SUFU: variants seen among roughly 807,000 people sequenced by gnomAD.
SUFU encodes the protein SUFU negative regulator of hedgehog signaling.
In SUFU, 7 loss-of-function variants were observed where a neutral mutation model predicts 58.9. The ratio of observed to expected loss-of-function variants is 0.12; its 90% CI spans 0.07 to 0.22. The LOEUF (loss-of-function observed/expected upper bound fraction) is 0.22. Among genes scored for constraint, SUFU ranks in the 10% least tolerant of loss-of-function variants. The pLI is 1.00. For missense variants in SUFU, 451 were observed against 641.3 expected (o/e 0.70, Z 3.20); for synonymous variants, 232 against 254.8 (o/e 0.91, Z 0.85).
chr10:102,564,943 A>G (rs553698194), intron 3 of SUFU, among the ~76,000 whole-genome samples: 15 of 152,314 alleles, frequency 9.8e-5, no homozygotes, highest in Non-Finnish European at 2.2e-4. Flanking sequence ...CTGAAGAAAA[A>G]CAGGTCAGTC....
At chr10:102,542,374 G>C (rs539955818) in intron 2 of SUFU, among the ~76,000 whole-genome samples, 2 of 151,380 alleles carry the variant, frequency 1.3e-5, no homozygotes, top group Non-Finnish European at 2.9e-5. Flanking sequence ...CTCATGATCC[G>C]CCCACCTCGG....
At chr10:102,584,503 G>C (rs2063316843) in intron 3 of SUFU, among the ~76,000 whole-genome samples, 1 of 152,008 alleles carries the variant, frequency 6.6e-6, no homozygotes, top group Non-Finnish European at 1.5e-5. Flanking sequence ...TCTCAGTCTT[G>C]GTGATTTTGT....
chr10:102,612,208 T>C (rs1307758837), intron 8 of SUFU, among the ~76,000 whole-genome samples: 7 of 113,688 alleles, frequency 6.2e-5, no homozygotes, highest in South Asian at 3.0e-4. Flanking sequence ...TGTGTGTGTG[T>C]GCACGCGCAT....
chr10:102,511,618 G>A (rs961196725), intron 2 of SUFU, among the ~76,000 whole-genome samples: 1 of 152,106 alleles, frequency 6.6e-6, no homozygotes, highest in African/African-American at 2.4e-5. Context: ...AGAAAAATGA[G>A]TCTCTTGAGG....
chr10:102,628,812 G>A lies in SUFU; in HGVS notation c.1366-1254G>A, dbSNP rs1260646666. ...CAGACCGAGGCAGGCTGAGAACACT[G>A]TTCTCTCCTTTCCACCCTGCCCTGA... is the stretch of plus-strand genomic sequence containing the variant. On this transcript the variant is annotated intron_variant, in intron 11 of 11. Coordinates refer to ENST00000369902, the MANE Select transcript of SUFU (RefSeq NM_016169.4). The surrounding 1 kb of genome is among the most constrained non-coding windows in gnomAD (Gnocchi z 4.5). Among the ~76,000 whole-genome samples the A allele has an allele frequency of 6.6e-6, 1 of 152,050 alleles. No individual in the cohort carries two copies. The highest frequency in any genetic ancestry group is 1.5e-5 in the Non-Finnish European group (1 of 68,018).
intron 3 of SUFU, among the ~76,000 whole-genome samples, chr10:102,570,156 A>G (rs1345429584): frequency 6.6e-6 from 1 of 152,118 alleles, no homozygotes; most frequent in African/African-American, 2.4e-5. Context: ...TTGCTGGCCC[A>G]GGCGCTTGTA....
intron 3 of SUFU, among the ~76,000 whole-genome samples, chr10:102,568,048 T>C (rs1360803062): frequency 3.9e-5 from 6 of 152,160 alleles, no homozygotes; most frequent in Non-Finnish European, 7.3e-5. Flanking sequence ...ACACATTCAT[T>C]GTCTTCTGTC....
At chr10:102,529,746 A>C (rs11191319) in intron 2 of SUFU, among the ~76,000 whole-genome samples, 3,054 of 152,170 alleles carry the variant, frequency 0.02, 49 homozygotes, top group Non-Finnish European at 0.031. Context: ...AGAGATCAAG[A>C]CCATCCTGGC....
At chr10:102,606,968 C>G (rs915053421) in intron 8 of SUFU, among the ~76,000 whole-genome samples, 6 of 151,974 alleles carry the variant, frequency 3.9e-5, no homozygotes, top group African/African-American at 1.5e-4. Flanking sequence ...GAAGGATCCT[C>G]TGGAGAAATG....
rs1419643682 is a variant in SUFU at position 102,552,546 on chromosome 10, G to GC, written c.454+2440_454+2441insC. 5.3e-5 allele frequency among the ~76,000 whole-genome samples: 8 copies of GC among 152,196 alleles called. No homozygotes were observed. The East Asian group carries it at 1.5e-3, about 29-fold the overall frequency. ...AACATGGCAGTTTAAATGCATTGTT[G>GC]ATCCTTGATTAGATCCTGAATTGAA... On this transcript the variant is annotated intron_variant, in intron 3 of 11. Coordinates refer to ENST00000369902, the MANE Select transcript of SUFU (RefSeq NM_016169.4).
In SUFU at chr10:102,617,556, C is replaced by A; in HGVS notation, c.1296+128C>A. On this transcript the variant is annotated intron_variant, in intron 10 of 11. Transcript: ENST00000369902. The surrounding 1 kb of genome is among the most constrained non-coding windows in gnomAD (Gnocchi z 4.4). ...GCTGGTCATGAATGCCTCATGGATT[C>A]AGGGCCTGGGGCCTGTGTGTAGGTA... The A allele has an allele frequency of 7.4e-7, 1 of 1,343,516 alleles. No homozygotes were observed. Among genetic ancestry groups the A allele is most frequent in the Non-Finnish European group, 1.1e-6 (1 of 946,362 alleles). The allele number at this position is 1,343,516 out of a possible 1,614,324, so 83.2% of individuals were successfully genotyped here.
At chr10:102,594,086 A>C in intron 6 of SUFU, 21 bp downstream of exon 6, 1 of 1,612,986 alleles carries the variant, frequency 6.2e-7, no homozygotes, top group South Asian at 1.1e-5. Flanking sequence ...AGTGAGGAAA[A>C]CCTTTCTAGC....
At chr10:102,563,163 G>A (rs968972793) in intron 3 of SUFU, among the ~76,000 whole-genome samples, 8 of 152,156 alleles carry the variant, frequency 5.3e-5, no homozygotes, top group African/African-American at 1.9e-4. Context: ...AGGACTTGGG[G>A]AAAAGGAGCT....
intron 8 of SUFU, among the ~76,000 whole-genome samples, chr10:102,604,084 C>T (rs2063540333): frequency 6.6e-6 from 1 of 152,196 alleles, no homozygotes; most frequent in Non-Finnish European, 1.5e-5. Context: ...CAGTGGCCAG[C>T]CTGGAGCCCT....
intron 2 of SUFU, among the ~76,000 whole-genome samples, chr10:102,544,373 T>C (rs2062833082): frequency 1.3e-5 from 2 of 152,170 alleles, no homozygotes; most frequent in Non-Finnish European, 2.9e-5. Flanking sequence ...TTTATAAGGT[T>C]ACACAACCAG....
intron 3 of SUFU, among the ~76,000 whole-genome samples, chr10:102,560,906 C>T (rs577273939): frequency 2.0e-4 from 30 of 151,828 alleles, no homozygotes; most frequent in African/African-American, 5.8e-4. Flanking sequence ...GGCGCGATCT[C>T]GGCTCACCGC....
Position 102,632,570 on chromosome 10 carries a change from C to T in SUFU, c.*2415C>T, listed in dbSNP as rs891421832. On this transcript the variant is annotated 3_prime_UTR_variant, in exon 12 of 12. Transcript: ENST00000369902. ...TTAAAGAAGATCAAGCCAAGCTGACCTTGGACCCTGTCCAGCACAGCTTCT... is the reference window on the plus strand; with the variant it reads ...TTAAAGAAGATCAAGCCAAGCTGACTTTGGACCCTGTCCAGCACAGCTTCT... The T allele has an allele frequency of 4.3e-6, 1 of 233,230 alleles. No homozygotes were observed. The allele number at this position is 233,230 out of a possible 1,614,324, so 14.4% of individuals were successfully genotyped here. A position where few individuals can be genotyped will look rare whatever the true frequency, so the allele number is the denominator to read the frequency against.
intron 3 of SUFU, among the ~76,000 whole-genome samples, chr10:102,576,482 C>T (rs953439236): frequency 5.7e-4 from 87 of 152,050 alleles, no homozygotes; most frequent in African/African-American, 1.4e-3. Flanking sequence ...TAACTATTCC[C>T]CTGGTGATGC....
intron 2 of SUFU, among the ~76,000 whole-genome samples, chr10:102,548,194 G>GATAC (rs1476437704): frequency 3.3e-5 from 5 of 152,076 alleles, no homozygotes; most frequent in South Asian, 2.1e-4. Flanking sequence ...GAGATAGATA[G>GATAC]ATAGATACAT....
Sources: allele counts gnomAD v4.1 joint callset (sites outside exome capture counted in the v4.1 genomes callset), GRCh38; gene constraint gnomAD v4.1.1; non-coding constraint Gnocchi (gnomAD v3.1); transcripts MANE v1.5; gene names NCBI Gene and HGNC (gene_info 2026-07-23, HGNC 2026-07-21).